The following YAE1 variants were observed in gnomAD, a reference collection of about 807,000 sequenced individuals.
YAE1 encodes the protein protein YAE1 homolog.
Under a neutral mutation model 23.0 loss-of-function variants are expected in YAE1, and 22 were observed. That is an observed-to-expected ratio of 0.96 (90% CI 0.68 to 1.37). The LOEUF (loss-of-function observed/expected upper bound fraction) is 1.37. YAE1 is among the 40% of genes most tolerant of loss of function. The pLI, the probability that YAE1 is intolerant of heterozygous loss-of-function variation, is 0.00. For synonymous variants in YAE1, 101 were observed against 97.0 expected (o/e 1.04, Z -0.24); for missense variants, 260 against 262.1 (o/e 0.99, Z 0.06).
chr7:39,580,447 G>A (rs184763427), intron 2 of YAE1, among the ~76,000 whole-genome samples: 22 of 152,322 alleles, frequency 1.4e-4, no homozygotes, highest in Admixed American at 1.1e-3. Flanking sequence ...GAAGATCAAA[G>A]TACTAATCAG....
intron 2 of YAE1, among the ~76,000 whole-genome samples, chr7:39,595,490 G>T (rs1422025305): frequency 6.6e-6 from 1 of 152,060 alleles, no homozygotes; most frequent in Non-Finnish European, 1.5e-5. Context: ...AGTCAAGAAG[G>T]CTTTATGTGC....
downstream of YAE1, among the ~76,000 whole-genome samples, chr7:39,576,514 GAC>G (rs1483217986): frequency 6.6e-6 from 1 of 152,130 alleles, no homozygotes; most frequent in African/African-American, 2.4e-5. Context: ...ATGCTTTATG[GAC>G]ACACTAGGCT....
chr7:39,584,670 C>T (rs62453608), intron 2 of YAE1, among the ~76,000 whole-genome samples: 50,280 of 151,826 alleles, frequency 0.33, 8,761 homozygotes, highest in East Asian at 0.42. Flanking sequence ...GACTTTTATA[C>T]AGGGATGGTC....
chr7:39,594,580 C>T (rs1299141775), intron 2 of YAE1, among the ~76,000 whole-genome samples: 1 of 151,736 alleles, frequency 6.6e-6, no homozygotes, highest in Non-Finnish European at 1.5e-5. Flanking sequence ...ATACATGCTA[C>T]TCTCCCATTA....
exon 3 of YAE1, chr7:39,609,838 G>A (rs1007013207): frequency 3.0e-5 from 46 of 1,533,086 alleles, no homozygotes; most frequent in African/African-American, 1.8e-4. Flanking sequence ...CCAGGCCCTG[G>A]GACGCCGAGC....
At chr7:39,577,194 C>T (rs1790667467), downstream of YAE1, among the ~76,000 whole-genome samples, 1 of 152,278 alleles carries the variant, frequency 6.6e-6, no homozygotes, top group Non-Finnish European at 1.5e-5. Flanking sequence ...CCACACCTGC[C>T]TTATGTTTGC....
downstream of YAE1, among the ~76,000 whole-genome samples, chr7:39,575,735 C>T (rs977737272): frequency 1.3e-5 from 2 of 152,164 alleles, no homozygotes; most frequent in Admixed American, 6.5e-5. Flanking sequence ...TGCTGGAGCA[C>T]GAGTCTGCCA....
Position 39,566,426 on chromosome 7 carries a change from G to A in YAE1, c.8G>A (p.Trp3Ter). 6 of 1,613,974 alleles carry A rather than the reference G, an allele frequency of 3.7e-6. No homozygotes were observed. The highest frequency in any genetic ancestry group is 5.1e-6 in the Non-Finnish European group (6 of 1,179,852). ...CCCGTAATTGCCTCGGTGATGTCGT[G>A]GGTTCAAGCAGCCTCCTTGATCCAG... MS[W>*]VQAASLIQGP... The change falls in exon 1 of 3, where the codon TGG becomes TAG. Residue 3 changes from tryptophan (W) to a stop codon, truncating the protein, a stop_gained. Transcript: ENST00000223273. LOFTEE classifies it high-confidence loss of function.
chr7:39,585,715 A>G (rs1790805826), intron 2 of YAE1, among the ~76,000 whole-genome samples: 1 of 152,242 alleles, frequency 6.6e-6, no homozygotes, highest in Admixed American at 6.5e-5. Flanking sequence ...TTAAATACCT[A>G]CTATCTTCAG....
chr7:39,597,685 C>T (rs1305325213), intron 2 of YAE1, among the ~76,000 whole-genome samples: 2 of 152,088 alleles, frequency 1.3e-5, no homozygotes, highest in Admixed American at 6.5e-5. Context: ...TTAATAGTAG[C>T]GGTAGTGGTG....
At chr7:39,579,328 G>A (rs752931030) in intron 2 of YAE1, among the ~76,000 whole-genome samples, 2 of 152,132 alleles carry the variant, frequency 1.3e-5, no homozygotes, top group Admixed American at 1.3e-4. Context: ...TGTACTCAGG[G>A]TGGATGCTTA....
downstream of YAE1, among the ~76,000 whole-genome samples, chr7:39,577,636 C>T (rs980882402): frequency 2.6e-5 from 4 of 152,214 alleles, no homozygotes; most frequent in South Asian, 2.1e-4. Context: ...GCTGCCTCCC[C>T]GGTGGGCACG....
chr7:39,566,746 C>A, intron 1 of YAE1, 199 bp downstream of exon 1: 1 of 690,322 alleles, frequency 1.4e-6, no homozygotes, highest in Non-Finnish European at 2.2e-6. Flanking sequence ...ATTCTTTGAG[C>A]GCCTACGGGA....
chr7:39,605,766 C>T (rs964237680), intron 2 of YAE1, among the ~76,000 whole-genome samples: 6 of 152,126 alleles, frequency 3.9e-5, no homozygotes, highest in African/African-American at 1.2e-4. Context: ...CTGCAGAACC[C>T]TATGACATGG....
rs1583668166 is a variant in YAE1, at chr7:39,570,860, G to A, written c.251+233G>A. On this transcript the variant is annotated intron_variant, in intron 2 of 2. Coordinates refer to ENST00000223273, the MANE Select transcript of YAE1 (RefSeq NM_020192.5). ...TCGTGCAAAGAAATGGTAAGAAGAT[G>A]TATACTTCTGCTACCTGAACAATTA... The A allele has an allele frequency of 1.4e-5, 6 of 441,540 alleles. No homozygotes were observed. The East Asian group carries it at 2.2e-4, about 16-fold the overall frequency. 27.4% of individuals were successfully genotyped at this position (441,540 alleles called of 1,614,324 possible). A position where few individuals can be genotyped will look rare whatever the true frequency, so the allele number is the denominator to read the frequency against.
At chr7:39,579,572 G>A (rs1583672594) in intron 2 of YAE1, among the ~76,000 whole-genome samples, 1 of 151,912 alleles carries the variant, frequency 6.6e-6, no homozygotes, top group East Asian at 1.9e-4. Context: ...AGGAGGCTGA[G>A]GCAGGAGAAT....
intron 2 of YAE1, among the ~76,000 whole-genome samples, chr7:39,587,525 A>C (rs1226876447): frequency 6.6e-6 from 1 of 152,242 alleles, no homozygotes; most frequent in Non-Finnish European, 1.5e-5. Context: ...ACTAATGTCT[A>C]AACAGAAGGA....
intron 2 of YAE1, among the ~76,000 whole-genome samples, chr7:39,595,102 C>A (rs148179049): frequency 2.2e-3 from 327 of 151,968 alleles, no homozygotes; most frequent in African/African-American, 7.6e-3. Context: ...CTAACTTCTC[C>A]GCTGAAAAAA....
At chr7:39,575,575 A>AGAGAGAGAGT (rs1339594299), downstream of YAE1, among the ~76,000 whole-genome samples, 64 of 81,746 alleles carry the variant, frequency 7.8e-4, no homozygotes, top group African/African-American at 3.0e-3. Flanking sequence ...AGAGAGAGAG[A>AGAGAGAGAGT]GAGTGAGTGT....
Sources: gnomAD v4.1 joint callset for allele counts (sites outside exome capture counted in the v4.1 genomes callset) on GRCh38, gnomAD v4.1.1 for gene constraint, MANE v1.5 for transcripts, NCBI Gene and HGNC (gene_info 2026-07-23, HGNC 2026-07-21) for gene names.